GPR158: variants seen among roughly 807,000 people sequenced by gnomAD.
GPR158 encodes the protein metabotropic glycine receptor.
Under a neutral mutation model 78.2 loss-of-function variants are expected in GPR158, and 30 were observed. The observed-to-expected ratio is 0.38, with a 90% CI of 0.29 to 0.52. The LOEUF is 0.52. Among genes scored for constraint, GPR158 ranks in the 20% least tolerant of loss-of-function variants. The pLI, the probability that GPR158 is intolerant of heterozygous loss-of-function variation, is 0.83. For missense variants in GPR158, 1,463 were observed against 1,523.5 expected (o/e 0.96, Z 0.66); for synonymous variants, 581 against 591.1 (o/e 0.98, Z 0.25).
chr10:25,572,597 A>G lies in GPR158; in HGVS notation c.1515-52A>G, dbSNP rs571355684. 4.2e-5 allele frequency: 47 copies of G among 1,117,428 alleles called. No homozygotes were observed. The African/African-American group carries it at 6.7e-4, about 16-fold the overall frequency. 69.2% of individuals were successfully genotyped at this position (1,117,428 alleles called of 1,614,324 possible). ...TAGAAAAATAAGTTATTTTAGAGTT[A>G]TACTTTCTGAATGTTAGGTTTGCTT... On this transcript the variant is annotated intron_variant, in intron 6 of 10. Transcript: ENST00000376351.
chr10:25,473,864 T>G (rs1295965683), intron 5 of GPR158, among the ~76,000 whole-genome samples: 1 of 152,160 alleles, frequency 6.6e-6, no homozygotes, highest in Non-Finnish European at 1.5e-5. Flanking sequence ...ATCTCTTTCA[T>G]GATAGACATA....
chr10:25,431,487 G>A (rs1834904724), intron 4 of GPR158, among the ~76,000 whole-genome samples: 1 of 141,396 alleles, frequency 7.1e-6, no homozygotes, highest in Non-Finnish European at 1.6e-5. Context: ...AATACCATTT[G>A]ACCCAGCCAT....
chr10:25,585,229 G>A (rs1300711383), intron 7 of GPR158, among the ~76,000 whole-genome samples: 1 of 152,196 alleles, frequency 6.6e-6, no homozygotes, highest in Non-Finnish European at 1.5e-5. Context: ...GGAGGGGCAA[G>A]GTAACAGAGT....
At chr10:25,422,739 CGTG>C (rs1367165948) in intron 4 of GPR158, among the ~76,000 whole-genome samples, 1 of 151,556 alleles carries the variant, frequency 6.6e-6, no homozygotes, top group East Asian at 1.9e-4. Context: ...TTGGGAAACA[CGTG>C]GTGTTGGGTT....
At chr10:25,184,050 G>T (rs1439553685) in intron 1 of GPR158, among the ~76,000 whole-genome samples, 2 of 152,160 alleles carry the variant, frequency 1.3e-5, no homozygotes, top group East Asian at 3.9e-4. Flanking sequence ...TATATTTGAT[G>T]AAATGTGATA....
intron 5 of GPR158, among the ~76,000 whole-genome samples, chr10:25,515,181 G>A (rs112733467): frequency 2.0e-3 from 296 of 151,748 alleles, no homozygotes; most frequent in African/African-American, 6.9e-3. Flanking sequence ...AAACTTCTTG[G>A]AGGCTTTGTT....
At chr10:25,220,058 A>G (rs1004562735) in intron 1 of GPR158, among the ~76,000 whole-genome samples, 2 of 152,186 alleles carry the variant, frequency 1.3e-5, no homozygotes, top group African/African-American at 2.4e-5. Flanking sequence ...TGATATCATA[A>G]TGAAAAATTG....
intron 5 of GPR158, among the ~76,000 whole-genome samples, chr10:25,500,501 C>T (rs570730765): frequency 6.6e-6 from 1 of 152,142 alleles, no homozygotes; most frequent in Non-Finnish European, 1.5e-5. Flanking sequence ...ACTTCTAAAT[C>T]CTGAAAGAAG....
At chr10:25,418,630 C>A (rs572159666) in intron 4 of GPR158, among the ~76,000 whole-genome samples, 1 of 149,422 alleles carries the variant, frequency 6.7e-6, no homozygotes, top group Non-Finnish European at 1.5e-5. Context: ...TTTTTCTATT[C>A]GTGATCTCAA....
chr10:25,454,435 T>C (rs1835264837), intron 4 of GPR158, among the ~76,000 whole-genome samples: 1 of 152,202 alleles, frequency 6.6e-6, no homozygotes, highest in Admixed American at 6.5e-5. Context: ...TGGAAGAAAT[T>C]GAAAGTTATG....
chr10:25,183,421 T>C (rs964094446), intron 1 of GPR158, among the ~76,000 whole-genome samples: 1 of 152,192 alleles, frequency 6.6e-6, no homozygotes, highest in African/African-American at 2.4e-5. Context: ...TTACTTTCAT[T>C]ATAGGTAGAG....
chr10:25,587,369 T>C (rs1230379565), intron 7 of GPR158, among the ~76,000 whole-genome samples: 1 of 152,216 alleles, frequency 6.6e-6, no homozygotes, highest in African/African-American at 2.4e-5. Flanking sequence ...CAGGTTTAGA[T>C]GAGCCCTTGA....
At chr10:25,404,010 T>C (rs1004034334) in intron 3 of GPR158, among the ~76,000 whole-genome samples, 1 of 152,126 alleles carries the variant, frequency 6.6e-6, no homozygotes, top group Non-Finnish European at 1.5e-5. Flanking sequence ...AAGCTTAAGA[T>C]ACCATTAAAT....
At chr10:25,540,537 C>G (rs1377401124) in intron 5 of GPR158, among the ~76,000 whole-genome samples, 1 of 152,076 alleles carries the variant, frequency 6.6e-6, no homozygotes, top group East Asian at 1.9e-4. Flanking sequence ...GACTTGGAAC[C>G]AACCCAAATG....
chr10:25,591,980 G>A (rs1012100888), intron 8 of GPR158, among the ~76,000 whole-genome samples: 2 of 151,928 alleles, frequency 1.3e-5, no homozygotes, highest in African/African-American at 4.8e-5. Context: ...CATATGGCCT[G>A]AACTTATACA....
chr10:25,551,889 G>A (rs1036698144), intron 6 of GPR158, among the ~76,000 whole-genome samples: 22 of 152,084 alleles, frequency 1.4e-4, no homozygotes, highest in African/African-American at 4.3e-4. Context: ...AAGCTGTTTC[G>A]ACAACCATGG....
chr10:25,432,021 A>T lies in GPR158; in HGVS notation c.1335+19548A>T, dbSNP rs911434676. On this transcript the variant is annotated intron_variant, in intron 4 of 10. Coordinates refer to ENST00000376351, the MANE Select transcript of GPR158 (RefSeq NM_020752.3). Reference sequence around the variant, plus strand: ...GTATAATAATAATAAAATAAAAAAAAATGCAAAGGGTGGGTTTTAGAACTA... The same window carrying T: ...GTATAATAATAATAAAATAAAAAAATATGCAAAGGGTGGGTTTTAGAACTA... Among the ~76,000 whole-genome samples the T allele has an allele frequency of 5.5e-3, 841 of 151,642 alleles. 11 individuals carry two copies. The highest frequency in any genetic ancestry group is 0.02 in the African/African-American group (811 of 41,314).
chr10:25,575,531 G>A (rs547120575), intron 7 of GPR158, among the ~76,000 whole-genome samples: 21 of 152,142 alleles, frequency 1.4e-4, no homozygotes, highest in Admixed American at 6.5e-4. Context: ...CCCGGATAGT[G>A]GAGCTCAGCA....
Position 25,468,066 on chromosome 10 carries a change from T to C in GPR158, c.1404+1347T>C, listed in dbSNP as rs377761568. ...TGGTTAAATCTGTACTTATTGCACCTGCGTATCTCTTAGGAATTTCTCCTT... is the reference window on the plus strand; with the variant it reads ...TGGTTAAATCTGTACTTATTGCACCCGCGTATCTCTTAGGAATTTCTCCTT... On this transcript the variant is annotated intron_variant, in intron 5 of 10. Transcript: ENST00000376351. Among the ~76,000 whole-genome samples the C allele has an allele frequency of 2.5e-4, 38 of 152,288 alleles. No individual in the cohort carries two copies. The East Asian group carries it at 6.6e-3, about 26-fold the overall frequency.
Sources: gnomAD v4.1 joint callset for allele counts (sites outside exome capture counted in the v4.1 genomes callset) on GRCh38, gnomAD v4.1.1 for gene constraint, MANE v1.5 for transcripts, NCBI Gene and HGNC (gene_info 2026-07-23, HGNC 2026-07-21) for gene names.